The following TSHZ2 variants were observed in gnomAD, a reference collection of about 807,000 sequenced individuals.
TSHZ2 encodes the protein teashirt homolog 2.
In TSHZ2, 21 loss-of-function variants were observed where a neutral mutation model predicts 74.4. The observed-to-expected ratio is 0.28, with a 90% confidence interval of 0.20 to 0.41. The LOEUF is 0.41. Ranked by LOEUF, TSHZ2 falls within the 10% of genes least tolerant of loss-of-function variation. The pLI is 1.00. For missense variants in TSHZ2, 1,244 were observed against 1,293.5 expected (o/e 0.96, Z 0.59); for synonymous variants, 540 against 515.3 (o/e 1.05, Z -0.65).
chr20:53,108,155 A>G (rs889175292), intron 1 of TSHZ2, among the ~76,000 whole-genome samples: 1 of 152,104 alleles, frequency 6.6e-6, no homozygotes, highest in African/African-American at 2.4e-5. Context: ...CATCCCAACC[A>G]CTCATGTTTA....
chr20:53,217,337 C>T (rs1230602966), intron 1 of TSHZ2, among the ~76,000 whole-genome samples: 1 of 152,168 alleles, frequency 6.6e-6, no homozygotes, highest in Non-Finnish European at 1.5e-5. Flanking sequence ...CACCCGACAG[C>T]CCCCTGGCTC....
intron 1 of TSHZ2, among the ~76,000 whole-genome samples, chr20:53,109,256 A>C (rs1322680643): frequency 6.6e-6 from 1 of 152,240 alleles, no homozygotes; most frequent in East Asian, 1.9e-4. Context: ...TAAAGCTCTT[A>C]GAAGATTATT....
rs796633080 is a variant in TSHZ2, at chr20:53,158,081, T to C, written c.41-95418T>C. Reference sequence around the variant, plus strand: ...AGGCGATATTTGAACAAGATCTGAATGAAGTGAGGAAGGAAGCTGTGGGGC... The same window carrying C: ...AGGCGATATTTGAACAAGATCTGAACGAAGTGAGGAAGGAAGCTGTGGGGC... On this transcript the variant is annotated intron_variant, in intron 1 of 2. Coordinates refer to ENST00000371497, the MANE Select transcript of TSHZ2 (RefSeq NM_173485.6). Among the ~76,000 whole-genome samples, 32 of 152,182 alleles carry C rather than the reference T, an allele frequency of 2.1e-4. 1 individual carries two copies. Among genetic ancestry groups the C allele is most frequent in the African/African-American group, 6.5e-4 (27 of 41,494 alleles).
intron 1 of TSHZ2, chr20:53,178,892 A>G (rs1235223954): frequency 2.6e-5 from 4 of 152,232 alleles, no homozygotes; most frequent in Non-Finnish European, 5.9e-5. Context: ...AGGAATTCCT[A>G]TCACATGTAC....
At chr20:53,134,231 A>G (rs1568775671) in intron 1 of TSHZ2, among the ~76,000 whole-genome samples, 1 of 152,234 alleles carries the variant, frequency 6.6e-6, no homozygotes, top group Non-Finnish European at 1.5e-5. Flanking sequence ...TGTTCTAACA[A>G]TGAAAACACT....
At chr20:53,227,204 C>T (rs563447684) in intron 1 of TSHZ2, among the ~76,000 whole-genome samples, 1 of 151,946 alleles carries the variant, frequency 6.6e-6, no homozygotes, top group East Asian at 1.9e-4. Flanking sequence ...CGGAGAAACC[C>T]ATGCATTCCT....
At chr20:53,246,040 C>CTTTTTTTTTTTTTTTTTTGTT (rs57243805) in intron 1 of TSHZ2, among the ~76,000 whole-genome samples, 2 of 130,648 alleles carry the variant, frequency 1.5e-5, no homozygotes, top group African/African-American at 6.2e-5. Flanking sequence ...TTCTTTCTTT[C>CTTTTTTTTTTTTTTTTTTGTT]TTTTTTTTTT....
At chr20:53,401,087 G>T (rs979632860) in intron 2 of TSHZ2, 1 of 152,218 alleles carries the variant, frequency 6.6e-6, no homozygotes, top group African/African-American at 2.4e-5. Context: ...GCTGCCTGGT[G>T]TGTCAGGACA....
rs1415631017 is a variant in TSHZ2, at chr20:53,469,045, T to TTTTA, written c.*9-18098_*9-18097insTTAT. Among the ~76,000 whole-genome samples, 69 of 49,124 alleles carry TTTTA rather than the reference T, an allele frequency of 1.4e-3. 4 individuals are homozygous for TTTTA. The highest frequency in any genetic ancestry group is 0.013 in the South Asian group (13 of 1,028). 32.2% of individuals were successfully genotyped at this position (49,124 alleles called of 152,430 possible). A position where few individuals can be genotyped will look rare whatever the true frequency, so the allele number is the denominator to read the frequency against. ...ACCTAAAGGCTCTGAAATCGATATT[T>TTTTA]TATATATATATATATATATATATAT... On this transcript the variant is annotated intron_variant, in intron 2 of 2. Coordinates refer to ENST00000371497, the MANE Select transcript of TSHZ2 (RefSeq NM_173485.6).
At chr20:53,110,200 G>A (rs945347526) in intron 1 of TSHZ2, among the ~76,000 whole-genome samples, 2 of 151,664 alleles carry the variant, frequency 1.3e-5, no homozygotes, top group African/African-American at 2.4e-5. Flanking sequence ...TCACTGCCCC[G>A]CCCCTCTAGG....
intron 1 of TSHZ2, among the ~76,000 whole-genome samples, chr20:53,113,956 G>T (rs531532694): frequency 6.6e-6 from 1 of 151,892 alleles, no homozygotes; most frequent in Non-Finnish European, 1.5e-5. Context: ...GTCAGGGCAC[G>T]GTGGCACATA....
intron 2 of TSHZ2, among the ~76,000 whole-genome samples, chr20:53,449,211 A>G (rs1015057283): frequency 2.0e-5 from 3 of 152,224 alleles, no homozygotes; most frequent in Admixed American, 6.5e-5. Flanking sequence ...CTGGAGTCAG[A>G]GAGCCCTAGG....
At chr20:53,413,766 AATTGCAAGAGTT>A (rs1162205639) in intron 2 of TSHZ2, among the ~76,000 whole-genome samples, 1 of 152,242 alleles carries the variant, frequency 6.6e-6, no homozygotes. Flanking sequence ...GATACAGAGC[AATTGCAAGAGTT>A]ATTACTTAGT....
At chr20:52,986,483 A>G (rs1468206063) in intron 1 of TSHZ2, among the ~76,000 whole-genome samples, 1 of 151,642 alleles carries the variant, frequency 6.6e-6, no homozygotes, top group Non-Finnish European at 1.5e-5. Flanking sequence ...TAATCCTAGC[A>G]CTATGGGAAG....
intron 2 of TSHZ2, among the ~76,000 whole-genome samples, chr20:53,415,551 A>C (rs1046109121): frequency 6.6e-6 from 1 of 151,978 alleles, no homozygotes; most frequent in Non-Finnish European, 1.5e-5. Flanking sequence ...TACTATCCTA[A>C]AACTATTACA....
At chr20:53,481,508 A>C (rs1462875606) in intron 2 of TSHZ2, among the ~76,000 whole-genome samples, 1 of 151,980 alleles carries the variant, frequency 6.6e-6, no homozygotes, top group Non-Finnish European at 1.5e-5. Context: ...CAGGAGGCAG[A>C]GGTTGCAGTG....
At chr20:53,370,956 C>A (rs1356238189) in intron 2 of TSHZ2, among the ~76,000 whole-genome samples, 1 of 152,212 alleles carries the variant, frequency 6.6e-6, no homozygotes, top group Non-Finnish European at 1.5e-5. Flanking sequence ...CAAGGCCACA[C>A]TCCCTCTGAA....
intron 1 of TSHZ2, among the ~76,000 whole-genome samples, chr20:52,981,386 T>C (rs1023258677): frequency 3.3e-5 from 5 of 152,160 alleles, no homozygotes; most frequent in African/African-American, 1.2e-4. Context: ...TGCCCTCCAC[T>C]TTCTAATCTA....
intron 2 of TSHZ2, among the ~76,000 whole-genome samples, chr20:53,389,492 A>G (rs567108940): frequency 6.6e-6 from 1 of 152,378 alleles, no homozygotes; most frequent in South Asian, 2.1e-4. Context: ...TCCAGAATGC[A>G]TGAATTAGGA....
Sources: allele counts gnomAD v4.1 joint callset (sites outside exome capture counted in the v4.1 genomes callset), GRCh38; gene constraint gnomAD v4.1.1; transcripts MANE v1.5; gene names NCBI Gene and HGNC (gene_info 2026-07-23, HGNC 2026-07-21).